Variants in TPRG1 observed in about 807,000 individuals in gnomAD.
TPRG1 encodes tumor protein p63 regulated 1.
Under a neutral mutation model 29.3 loss-of-function variants are expected in TPRG1, and 29 were observed. That is an observed-to-expected ratio of 0.99 (90% CI 0.74 to 1.35). The LOEUF is 1.35. TPRG1 is among the 40% of genes most tolerant of loss of function. The pLI is 0.00. For synonymous variants in TPRG1, 130 were observed against 116.8 expected, an observed-to-expected ratio of 1.11 and a Z score of -0.73; for missense variants, 327 against 335.0, an observed-to-expected ratio of 0.98 and a Z score of 0.19.
chr3:189,171,129 GTTCA>G (rs1238903217), upstream of TPRG1, among the ~76,000 whole-genome samples: 1 of 152,154 alleles, frequency 6.6e-6, no homozygotes, highest in Admixed American at 6.5e-5. Flanking sequence ...TTCAGAATGT[GTTCA>G]TTAAGATTCT....
intron 4 of TPRG1, among the ~76,000 whole-genome samples, chr3:189,282,403 G>A (rs1717312478): frequency 6.6e-6 from 1 of 152,072 alleles, no homozygotes; most frequent in African/African-American, 2.4e-5. Context: ...ACCTGTATTT[G>A]CCTGAACATG....
At chr3:188,998,103 A>C (rs1711888670) in intron 1 of TPRG1, among the ~76,000 whole-genome samples, 1 of 152,214 alleles carries the variant, frequency 6.6e-6, no homozygotes, top group African/African-American at 2.4e-5. Context: ...TGGTTAAAAA[A>C]AAGAAGTGTT....
At chr3:189,212,886 A>G (rs1176666006) in intron 2 of TPRG1, among the ~76,000 whole-genome samples, 1 of 152,186 alleles carries the variant, frequency 6.6e-6, no homozygotes, top group African/African-American at 2.4e-5. Context: ...AGCTCAAGGA[A>G]ATGTAAGGAA....
chr3:189,219,463 G>A (rs570211248), intron 3 of TPRG1: 1 of 534,492 alleles, frequency 1.9e-6, no homozygotes, highest in Non-Finnish European at 2.8e-6. Flanking sequence ...ATAAAGACAG[G>A]ATAGTGTTTA....
chr3:189,076,942 A>ATATATATATATATATG lies in TPRG1; in HGVS notation c.-462-50115_-462-50114insTATATATATATATATG, dbSNP rs199941065. ...TGTGTACATATATATATATATATAT[A>ATATATATATATATATG]GCCAATAAGCACATGAGAAAGTGCT... is the stretch of plus-strand genomic sequence containing the variant. On this transcript the variant is annotated intron_variant, in intron 4 of 10. Coordinates refer to the TPRG1 transcript ENST00000433971. Among the ~76,000 whole-genome samples the ATATATATATATATATG allele has an allele frequency of 2.4e-3, 368 of 151,272 alleles. 2 individuals carry two copies. The highest frequency in any genetic ancestry group is 8.3e-3 in the African/African-American group (340 of 40,736).
At chr3:189,023,039 G>C (rs1646796344) in intron 3 of TPRG1, among the ~76,000 whole-genome samples, 1 of 152,220 alleles carries the variant, frequency 6.6e-6, no homozygotes, top group African/African-American at 2.4e-5. Flanking sequence ...GGAACTCCCT[G>C]ACCCCTTGCA....
intron 4 of TPRG1, among the ~76,000 whole-genome samples, chr3:189,242,690 G>A (rs957254454): frequency 6.6e-6 from 1 of 151,660 alleles, no homozygotes; most frequent in East Asian, 1.9e-4. Context: ...TTTTATATGA[G>A]TGGAGTTATC....
chr3:189,231,943 T>TTGTGTGTGTGTGTGTGTG (rs10576562), intron 3 of TPRG1, among the ~76,000 whole-genome samples: 3,376 of 147,542 alleles, frequency 0.023, 49 homozygotes, highest in African/African-American at 0.047. Context: ...CAAACCTGGT[T>TTGTGTGTGTGTGTGTGTG]TGTGTGTGTG....
At chr3:189,015,641 C>A (rs796313624) in intron 3 of TPRG1, among the ~76,000 whole-genome samples, 2 of 152,266 alleles carry the variant, frequency 1.3e-5, no homozygotes, top group African/African-American at 4.8e-5. Context: ...CTGCTCTTTG[C>A]AGCCTTGAGA....
intron 1 of TPRG1, among the ~76,000 whole-genome samples, chr3:189,109,321 A>C (rs1203623233): frequency 6.6e-6 from 1 of 152,226 alleles, no homozygotes; most frequent in East Asian, 1.9e-4. Flanking sequence ...GTGTTAATTG[A>C]CACACAGTAG....
chr3:189,087,642 C>CT (rs1425439898), intron 4 of TPRG1, among the ~76,000 whole-genome samples: 9 of 152,156 alleles, frequency 5.9e-5, no homozygotes, highest in Admixed American at 5.9e-4. Flanking sequence ...GGTTTTAAGT[C>CT]TAACATTTAA....
chr3:189,137,555 C>T (rs1484174977), intron 3 of TPRG1, among the ~76,000 whole-genome samples: 2 of 152,164 alleles, frequency 1.3e-5, no homozygotes, highest in Non-Finnish European at 2.9e-5. Flanking sequence ...TCCACACAGC[C>T]CTTATTGACT....
chr3:189,186,487 G>C (rs1171148501), intron 1 of TPRG1, among the ~76,000 whole-genome samples: 19 of 152,140 alleles, frequency 1.2e-4, no homozygotes, highest in Non-Finnish European at 1.5e-5. Flanking sequence ...TACCCTTGGT[G>C]CTCTTAAAGA....
At chr3:189,170,483 C>T (rs1186863797), upstream of TPRG1, among the ~76,000 whole-genome samples, 1 of 152,206 alleles carries the variant, frequency 6.6e-6, no homozygotes, top group African/African-American at 2.4e-5. Flanking sequence ...GAGTTGCTCC[C>T]TCCTCTGGAT....
chr3:189,071,331 T>C (rs376131890), intron 4 of TPRG1, among the ~76,000 whole-genome samples: 13 of 152,306 alleles, frequency 8.5e-5, no homozygotes, highest in South Asian at 6.2e-4. Flanking sequence ...TTTAGTTTAG[T>C]TTAATGTCAC....
chr3:189,045,409 G>T (rs1394973238), intron 4 of TPRG1, among the ~76,000 whole-genome samples: 2 of 152,190 alleles, frequency 1.3e-5, no homozygotes, highest in Non-Finnish European at 2.9e-5. Flanking sequence ...TAAATAATAA[G>T]ATCAGGATTT....
intron 4 of TPRG1, among the ~76,000 whole-genome samples, chr3:189,287,702 G>T (rs1718311751): frequency 6.6e-6 from 1 of 152,170 alleles, no homozygotes. Flanking sequence ...CAGCCTACTT[G>T]TTTCTTTAAA....
chr3:189,262,663 T>C (rs1713332411), intron 4 of TPRG1, among the ~76,000 whole-genome samples: 1 of 152,204 alleles, frequency 6.6e-6, no homozygotes, highest in South Asian at 2.1e-4. Context: ...AATTGCTATG[T>C]TTCAACTTAC....
At chr3:189,224,496 AC>A (rs746072002) in intron 3 of TPRG1, among the ~76,000 whole-genome samples, 3 of 147,764 alleles carry the variant, frequency 2.0e-5, no homozygotes, top group East Asian at 1.9e-4. Context: ...AACAACAACA[AC>A]AAAAAAACAA....
Sources: allele counts gnomAD v4.1 joint callset (sites outside exome capture counted in the v4.1 genomes callset), GRCh38; gene constraint gnomAD v4.1.1; transcripts MANE v1.5; gene names NCBI Gene and HGNC (gene_info 2026-07-23, HGNC 2026-07-21).